Variants in RIC8B observed in about 807,000 individuals in gnomAD.
RIC8B encodes the protein chaperone Ric-8B.
Under a neutral mutation model 57.5 loss-of-function variants are expected in RIC8B, and 16 were observed. The observed-to-expected ratio is 0.28, with a 90% CI of 0.19 to 0.42. The LOEUF (loss-of-function observed/expected upper bound fraction) is 0.42, where lower values mean the gene tolerates loss of function less well. RIC8B is among the 10% of genes least tolerant of loss of function. The pLI is 1.00. For synonymous variants in RIC8B, 216 were observed against 250.8 expected (o/e 0.86, Z 1.31); for missense variants, 481 against 677.0 (o/e 0.71, Z 3.21).
chr12:106,833,497 A>T (rs926666744), intron 4 of RIC8B, among the ~76,000 whole-genome samples: 5 of 152,198 alleles, frequency 3.3e-5, no homozygotes, highest in African/African-American at 7.2e-5. Flanking sequence ...GCTACTTGGG[A>T]GGCTGAGGCA....
rs1593178070 is a variant in RIC8B at position 106,813,729 on chromosome 12, T to A, written c.133-967T>A. Reference sequence around the variant, plus strand: ...ATAGATTAATAGAAATTTTGTAAAATCTTATATTGGTAATAGTAGTTGTTG... The same window carrying A: ...ATAGATTAATAGAAATTTTGTAAAAACTTATATTGGTAATAGTAGTTGTTG... On this transcript the variant is annotated intron_variant, in intron 2 of 9. Transcript: ENST00000392837. Among the ~76,000 whole-genome samples the A allele has an allele frequency of 2.0e-5, 3 of 152,292 alleles. No individual in the cohort carries two copies. In the South Asian group the frequency reaches 6.2e-4, roughly 32 times the overall value.
At chr12:106,788,977 T>A (rs780912415) in intron 2 of RIC8B, among the ~76,000 whole-genome samples, 39 of 152,222 alleles carry the variant, frequency 2.6e-4, no homozygotes, top group Admixed American at 4.6e-4. Flanking sequence ...AGTTTCTGAA[T>A]TTTTATGCTG....
chr12:106,808,635 T>C (rs939889072), intron 2 of RIC8B, among the ~76,000 whole-genome samples: 4 of 152,218 alleles, frequency 2.6e-5, no homozygotes, highest in African/African-American at 9.6e-5. Flanking sequence ...TTTATGCCTG[T>C]CTCACCTTAT....
intron 3 of RIC8B, among the ~76,000 whole-genome samples, chr12:106,818,415 C>T (rs532482399): frequency 1.6e-4 from 25 of 152,062 alleles, no homozygotes; most frequent in Non-Finnish European, 2.9e-4. Context: ...CCACCCGCCT[C>T]GGCCTCCCAA....
intron 4 of RIC8B, among the ~76,000 whole-genome samples, chr12:106,835,858 G>A (rs570410385): frequency 6.6e-5 from 10 of 152,230 alleles, no homozygotes; most frequent in African/African-American, 2.4e-4. Flanking sequence ...TTTCACTGAG[G>A]GTAGCATTCA....
chr12:106,875,421 A>G (rs1566176048), intron 9 of RIC8B, among the ~76,000 whole-genome samples: 1 of 152,160 alleles, frequency 6.6e-6, no homozygotes, highest in Non-Finnish European at 1.5e-5. Flanking sequence ...AAGCAAGCCC[A>G]CTGTGCCTAA....
At position 106,886,316 on chromosome 12, in the gene RIC8B, AT is replaced by A; in HGVS notation, c.*303del. The stretch of plus-strand genomic sequence containing the variant: ...AAAGCGGCCCTGGTTGAATCTGGCA[AT>A]TCTTTTTGCCAAGATCCCTAGCAGA... On this transcript the variant is annotated 3_prime_UTR_variant, in exon 10 of 10. Coordinates refer to ENST00000392837, the MANE Select transcript of RIC8B (RefSeq NM_001330145.2). 4.0e-6 allele frequency: 1 copy of A among 252,000 alleles called. No individual in the cohort carries two copies. Among genetic ancestry groups the A allele is most frequent in the South Asian group, 1.1e-4 (1 of 9,190 alleles). 15.6% of individuals were successfully genotyped at this position (252,000 alleles called of 1,614,324 possible). A position where few individuals can be genotyped will look rare whatever the true frequency, so the allele number is the denominator to read the frequency against.
chr12:106,814,223 G>C (rs901518482), intron 2 of RIC8B, among the ~76,000 whole-genome samples: 1 of 152,054 alleles, frequency 6.6e-6, no homozygotes, highest in Non-Finnish European at 1.5e-5. Flanking sequence ...ACTCTATTTG[G>C]AACCTAACAC....
At chr12:106,780,699 A>C (rs567882196) in intron 1 of RIC8B, among the ~76,000 whole-genome samples, 8 of 152,340 alleles carry the variant, frequency 5.3e-5, no homozygotes, top group African/African-American at 1.9e-4. Context: ...ATCTGTGTTC[A>C]TGAAACAGCA....
chr12:106,804,733 C>A (rs1198180457), intron 2 of RIC8B, among the ~76,000 whole-genome samples: 2 of 152,188 alleles, frequency 1.3e-5, no homozygotes, highest in East Asian at 3.9e-4. Context: ...ATATGTTAAA[C>A]AGACCCTGCC....
intron 2 of RIC8B, among the ~76,000 whole-genome samples, chr12:106,785,821 G>C (rs796848031): frequency 0.21 from 20,376 of 95,578 alleles, 2,286 homozygotes; most frequent in Non-Finnish European, 0.24. Flanking sequence ...CTCTGTGTGT[G>C]TGTGTGTGTG....
At chr12:106,788,653 G>A (rs2044140370) in intron 2 of RIC8B, among the ~76,000 whole-genome samples, 1 of 152,192 alleles carries the variant, frequency 6.6e-6, no homozygotes, top group Non-Finnish European at 1.5e-5. Flanking sequence ...TGTACCCCCT[G>A]AAACCATGGG....
At chr12:106,856,152 A>C (rs1428422031) in intron 7 of RIC8B, among the ~76,000 whole-genome samples, 1 of 152,142 alleles carries the variant, frequency 6.6e-6, no homozygotes, top group African/African-American at 2.4e-5. Flanking sequence ...CCACCATCTT[A>C]GTGCAGACCC....
intron 4 of RIC8B, among the ~76,000 whole-genome samples, chr12:106,839,778 A>G (rs1183783314): frequency 6.6e-6 from 1 of 152,182 alleles, no homozygotes; most frequent in Non-Finnish European, 1.5e-5. Context: ...CACTTTGGGA[A>G]GCCATGGCAG....
intron 9 of RIC8B, chr12:106,872,894 CAG>C (rs1950503486): frequency 5.4e-6 from 2 of 373,572 alleles, no homozygotes; most frequent in Non-Finnish European, 7.4e-6. Flanking sequence ...AAATGGAAGA[CAG>C]GGGAAATAAC....
chr12:106,844,762 GA>G (rs1949111670), intron 6 of RIC8B, among the ~76,000 whole-genome samples: 1 of 152,186 alleles, frequency 6.6e-6, no homozygotes, highest in Non-Finnish European at 1.5e-5. Flanking sequence ...CATACTTGGG[GA>G]TATGTTTTAA....
chr12:106,792,791 G>A (rs2044313682), intron 2 of RIC8B, among the ~76,000 whole-genome samples: 1 of 152,158 alleles, frequency 6.6e-6, no homozygotes, highest in African/African-American at 2.4e-5. Context: ...GTGACAGAGT[G>A]AGACCCTATC....
At chr12:106,802,779 T>C (rs2044796427) in intron 2 of RIC8B, among the ~76,000 whole-genome samples, 1 of 152,142 alleles carries the variant, frequency 6.6e-6, no homozygotes, top group African/African-American at 2.4e-5. Context: ...TGTAGCTTTC[T>C]CTGCTACCTT....
intron 8 of RIC8B, among the ~76,000 whole-genome samples, chr12:106,870,011 T>C (rs1270490221): frequency 4.0e-5 from 6 of 151,792 alleles, no homozygotes; most frequent in Admixed American, 3.9e-4. Context: ...TGTCTGCTTC[T>C]CCAGAAAAAT....
Sources: gnomAD v4.1 joint callset for allele counts (sites outside exome capture counted in the v4.1 genomes callset) on GRCh38, gnomAD v4.1.1 for gene constraint, MANE v1.5 for transcripts, NCBI Gene and HGNC (gene_info 2026-07-23, HGNC 2026-07-21) for gene names.